The following OFD1 variants were observed in gnomAD, a reference collection of about 807,000 sequenced individuals.
OFD1 encodes the protein centriole and centriolar satellite protein OFD1.
In OFD1, 12 loss-of-function variants were observed where a neutral mutation model predicts 81.4. The observed-to-expected ratio is 0.15, with a 90% confidence interval of 0.09 to 0.24. The LOEUF (loss-of-function observed/expected upper bound fraction) is 0.24, where lower values mean the gene tolerates loss of function less well. Ranked by LOEUF, OFD1 falls within the 10% of genes least tolerant of loss-of-function variation. The probability of loss-of-function intolerance (pLI) is 1.00; values close to 1 mark genes in which losing one functional copy is unlikely to be tolerated. For synonymous variants in OFD1, 256 were observed against 263.7 expected, an observed-to-expected ratio of 0.97 and a Z score of 0.28; for missense variants, 685 against 733.9, an observed-to-expected ratio of 0.93 and a Z score of 0.77.
intron 22 of OFD1, 53 bp from the exon 23 acceptor site, chrX:13,769,013 A>G (rs1395885254): frequency 2.0e-6 from 2 of 996,124 alleles, no homozygotes. Flanking sequence ...GAAGATAGCA[A>G]ATAAACTTGA....
At chrX:13,765,099 C>T (rs189854734) in intron 19 of OFD1, among the ~76,000 whole-genome samples, 77 of 112,163 alleles carry the variant, frequency 6.9e-4, no homozygotes, top group African/African-American at 2.2e-3. Context: ...ATAATATTTG[C>T]TTTAAAAATT....
At chrX:13,719,298 A>C in the OFD1 span, among the ~76,000 whole-genome samples, 1 of 110,766 alleles carries the variant, frequency 9.0e-6, no homozygotes, top group African/African-American at 3.3e-5. Flanking sequence ...TCCTCGAGCT[A>C]AGCTTGGTTT....
Position 13,758,351 on chromosome X carries a change from A to G in OFD1, c.1557A>G (p.Ala519=). ...KQLQDEIEHS[A]QLKAQILGYK... is the part of the protein sequence containing the mutation. ...AATCTTTTCAGATTGAGCATTCTGC[A>G]CAGCTGAAGGCCCAGATTCTAGGTT... The change falls in exon 15 of 23, where the codon GCA becomes GCG. Residue 519 remains alanine, a synonymous_variant. Coordinates refer to ENST00000340096, the MANE Select transcript of OFD1 (RefSeq NM_003611.3). The G allele has an allele frequency of 8.4e-7, 1 of 1,195,727 alleles. No homozygotes were observed. Among genetic ancestry groups the G allele is most frequent in the Non-Finnish European group, 1.1e-6 (1 of 881,277 alleles).
upstream of OFD1, chrX:13,734,616 C>A: frequency 6.2e-6 from 5 of 800,921 alleles, no homozygotes; most frequent in Non-Finnish European, 7.7e-6. Flanking sequence ...CGAAGCAGTT[C>A]TCGCGATACC....
rs2047969465 is a variant in OFD1 at position 13,762,371 on chromosome X, A to T, written c.2415A>T (p.Gln805His). 2 of 1,199,096 alleles carry T rather than the reference A, an allele frequency of 1.7e-6. No homozygotes were observed. The highest frequency in any genetic ancestry group is 2.3e-6 in the Non-Finnish European group (2 of 884,923). Reference sequence around the variant, plus strand: ...TTTATCGAAGACAAACTGAACTTCAAGACAAAAGTGAATTTTCAGATGTGG... The same window carrying T: ...TTTATCGAAGACAAACTGAACTTCATGACAAAAGTGAATTTTCAGATGTGG... ...VGLYRRQTEL[Q>H]DKSEFSDVDK... The change falls in exon 18 of 23, where the codon CAA becomes CAT. Residue 805 changes from glutamine to histidine, a missense_variant. By Grantham distance (24) the Gln-to-His change is conservative (BLOSUM62 0). This residue lies in a region of OFD1 where 259 missense variants were observed against 254.4 expected (regional missense o/e 1.02). Transcript: ENST00000340096.
At chrX:13,752,845 A>G in intron 10 of OFD1, 1 of 964,197 alleles carries the variant, frequency 1.0e-6, no homozygotes, top group Non-Finnish European at 1.3e-6. Context: ...CAGCTGGGAA[A>G]GGGAAGTGAA....
At chrX:13,748,527 T>C (rs1338320355) in intron 8 of OFD1, among the ~76,000 whole-genome samples, 1 of 112,406 alleles carries the variant, frequency 8.9e-6, no homozygotes, top group Non-Finnish European at 1.9e-5. Flanking sequence ...CCTGACTAAA[T>C]TGTGAGGTCT....
intron 10 of OFD1, 192 bp from the exon 11 acceptor site, chrX:13,753,176 A>C: frequency 9.5e-7 from 1 of 1,055,785 alleles, no homozygotes; most frequent in Middle Eastern, 3.8e-4. Flanking sequence ...TATAGGATCA[A>C]GGAAGGGTTT....
chrX:13,734,284 C>T (rs2046755920), upstream of OFD1: 2 of 362,098 alleles, frequency 5.5e-6, no homozygotes, highest in Middle Eastern at 1.5e-3. Flanking sequence ...ACAGTGCAGC[C>T]GTTAAGAAAC....
At chrX:13,725,965 C>G in the OFD1 span, among the ~76,000 whole-genome samples, 8 of 111,762 alleles carry the variant, frequency 7.2e-5, no homozygotes, top group Admixed American at 7.6e-4. Flanking sequence ...GATGCATACA[C>G]AAGCTTCAAT....
chrX:13,751,981 A>T (rs1282573206), intron 10 of OFD1, among the ~76,000 whole-genome samples: 1 of 112,214 alleles, frequency 8.9e-6, no homozygotes, highest in African/African-American at 3.2e-5. Flanking sequence ...AAGCTGTAAA[A>T]TTGGAATTAT....
At chrX:13,723,864 C>T in the OFD1 span, among the ~76,000 whole-genome samples, 4 of 110,993 alleles carry the variant, frequency 3.6e-5, no homozygotes, top group African/African-American at 6.6e-5. Flanking sequence ...TTAGGGCCCA[C>T]GGCAAAGAGG....
At chrX:13,756,916 C>A in intron 13 of OFD1, 149 bp downstream of exon 13, 1 of 522,787 alleles carries the variant, frequency 1.9e-6, no homozygotes, top group Non-Finnish European at 3.3e-6. Flanking sequence ...ACTCTGCAAA[C>A]CTGCCTATAG....
intron 5 of OFD1, chrX:13,739,265 G>C (rs1371945502): frequency 5.0e-6 from 1 of 198,230 alleles, no homozygotes; most frequent in Non-Finnish European, 9.0e-6. Flanking sequence ...GATACTGTTT[G>C]TAAAAATACC....
At chrX:13,738,373 A>G (rs971942562) in intron 3 of OFD1, among the ~76,000 whole-genome samples, 17 of 113,012 alleles carry the variant, frequency 1.5e-4, no homozygotes, top group Non-Finnish European at 3.2e-4. Flanking sequence ...AATGGTATAT[A>G]CTGTAGTAGA....
In OFD1 at chrX:13,736,448, TTTTTTA is replaced by T. The variant is rs759174869; in HGVS notation, c.112-24_112-19del. Reference sequence around the variant, plus strand: ...CTGAAATTTCTTTCCCTTGTGTTTCTTTTTTATTTTTGTTTTTATTTTATGCTAGAC... The same window carrying T: ...CTGAAATTTCTTTCCCTTGTGTTTCTTTTTTGTTTTTATTTTATGCTAGAC... On this transcript the variant is annotated intron_variant, in intron 2 of 22. Transcript: ENST00000340096. 5.8e-5 allele frequency: 69 copies of T among 1,192,762 alleles called. 1 individual carries two copies. Among genetic ancestry groups the T allele is most frequent in the African/African-American group, 1.1e-4 (6 of 56,872 alleles).
chrX:13,728,394 T>C, the OFD1 span, among the ~76,000 whole-genome samples: 3 of 111,805 alleles, frequency 2.7e-5, no homozygotes, highest in Non-Finnish European at 3.8e-5. Flanking sequence ...TCAAAAAGCT[T>C]ATCCACCATG....
chrX:13,745,673 G>A (rs756292582), intron 6 of OFD1, among the ~76,000 whole-genome samples: 11 of 112,091 alleles, frequency 9.8e-5, no homozygotes, highest in African/African-American at 3.2e-4. Context: ...TTGGGTGGGC[G>A]TTATACACGG....
intron 16 of OFD1, 79 bp downstream of exon 16, chrX:13,760,799 G>A (rs776807763): frequency 1.6e-4 from 185 of 1,131,026 alleles, no homozygotes; most frequent in Non-Finnish European, 2.1e-4. Context: ...GTTGCCGTGA[G>A]GGTCAGCGGG....
Sources: gnomAD v4.1 joint callset for allele counts (sites outside exome capture counted in the v4.1 genomes callset) on GRCh38, gnomAD v4.1.1 for gene constraint, gnomAD v4.1.1 regional missense constraint, MANE v1.5 for transcripts, NCBI Gene and HGNC (gene_info 2026-07-23, HGNC 2026-07-21) for gene names.